Variants in LTBP4 observed in about 807,000 individuals in gnomAD.
LTBP4 encodes latent transforming growth factor beta binding protein 4.
LTBP4 carries 93 observed loss-of-function variants against 180.2 expected under a neutral mutation model. The observed-to-expected ratio is 0.52, with a 90% CI of 0.44 to 0.61. The LOEUF is 0.61. Ranked by LOEUF, LTBP4 falls within the 20% of genes least tolerant of loss-of-function variation. The pLI, the probability that LTBP4 is intolerant of heterozygous loss-of-function variation, is 0.00. For synonymous variants in LTBP4, 947 were observed against 934.5 expected, an observed-to-expected ratio of 1.01 and a Z score of -0.24; for missense variants, 2,116 against 2,256.5, an observed-to-expected ratio of 0.94 and a Z score of 1.26.
At chr19:40,604,021 A>G (rs183265736) in intron 1 of LTBP4, among the ~76,000 whole-genome samples, 123 of 152,328 alleles carry the variant, frequency 8.1e-4, no homozygotes, top group Non-Finnish European at 1.7e-3. Context: ...GTGCTACTGG[A>G]GGCTGTAAGG....
chr19:40,623,181 T>C (rs1307429365), intron 24 of LTBP4, among the ~76,000 whole-genome samples, 160 bp downstream of exon 24: 2 of 151,050 alleles, frequency 1.3e-5, no homozygotes, highest in Admixed American at 1.3e-4. Context: ...TTTCTTTTTT[T>C]TTTTTTTCTT....
At chr19:40,610,126 A>C (rs1353163368) in intron 11 of LTBP4, 7 of 466,802 alleles carry the variant, frequency 1.5e-5, no homozygotes, top group Admixed American at 8.5e-5. Flanking sequence ...CTCCGCCCCC[A>C]CGCCCAGGCC....
chr19:40,596,292 G>A (rs1331104135), intron 1 of LTBP4, among the ~76,000 whole-genome samples: 1 of 151,940 alleles, frequency 6.6e-6, no homozygotes, highest in African/African-American at 2.4e-5. Flanking sequence ...CAAACTCCTG[G>A]ACTCAAGCGA....
Position 40,605,310 on chromosome 19 carries a change from G to A in LTBP4, c.442+84G>A, listed in dbSNP as rs1252107439. ...TGACCCTCATATTTCCCGCCTTCCC[G>A]AGCACCTTTGCCCAGCTCGCCCTCC... On this transcript the variant is annotated intron_variant, in intron 2 of 29. Transcript: ENST00000396819. The surrounding 1 kb of genome is among the most constrained non-coding windows in gnomAD (Gnocchi z 5.5). 5 of 1,568,654 alleles carry A rather than the reference G, an allele frequency of 3.2e-6. No homozygotes were observed. The Admixed American group carries it at 9.3e-5, about 29-fold the overall frequency.
chr19:40,604,715 C>T (rs2081446476), intron 1 of LTBP4, among the ~76,000 whole-genome samples: 1 of 152,154 alleles, frequency 6.6e-6, no homozygotes, highest in Non-Finnish European at 1.5e-5. Context: ...ATGTGGTGCA[C>T]GCCTGTCGTC....
At position 40,613,302 on chromosome 19, in the gene LTBP4, T is replaced by C. The variant is rs908733141; in HGVS notation, c.2432-102T>C. On this transcript the variant is annotated intron_variant, in intron 16 of 29. Transcript: ENST00000396819. The surrounding 1 kb of genome is among the most constrained non-coding windows in gnomAD (Gnocchi z 5.0). ...GGGACCAAGGCGCTGTGGGAGGAGC[T>C]TAGAAACCTGGCATTGGTGGGGGCG... 11 of 1,547,156 alleles carry C rather than the reference T, an allele frequency of 7.1e-6. No individual in the cohort carries two copies. The African/African-American group carries it at 1.4e-4, about 19-fold the overall frequency.
intron 24 of LTBP4, 113 bp downstream of exon 24, chr19:40,623,134 C>A (rs1310578595): frequency 1.5e-6 from 1 of 678,370 alleles, no homozygotes; most frequent in Non-Finnish European, 2.4e-6. Flanking sequence ...ATCTGTCTCC[C>A]CGACCCCACC....
chr19:40,613,877 C>A lies in LTBP4; in HGVS notation c.2558-39C>A, dbSNP rs559411558. 1.8e-5 allele frequency: 29 copies of A among 1,612,218 alleles called. No homozygotes were observed. In the South Asian group the frequency reaches 2.2e-4, roughly 12 times the overall value. ...GTGTGGCCTAGAATGTTAGGCGGAG[C>A]GGGAGGTGGGCCGGGCCTTCGGACG... On this transcript the variant is annotated intron_variant, in intron 17 of 29. Coordinates refer to ENST00000396819, the MANE Select transcript of LTBP4 (RefSeq NM_001042545.2). This position sits in a 1 kb window ranked among gnomAD's most constrained non-coding sequence, Gnocchi z 5.0.
In LTBP4 at chr19:40,612,132, G is replaced by A. The variant is rs371314855; in HGVS notation, c.2239G>A (p.Gly747Ser). The stretch of plus-strand genomic sequence containing the variant: ...TGGGCAGGAGTGTGTGAACTCGCCC[G>A]GCTCCTTCCAGTGCAGGACCTGTCC... ...CPGQECVNSP[G>S]SFQCRTCPSG... Residue 747 changes from glycine (G) to serine (S), a missense_variant, in exon 15 of 30, where the codon GGC becomes AGC. Gly to Ser is a moderately conservative substitution (Grantham distance 56). This residue lies in a region of LTBP4 where 877 missense variants were observed against 873.6 expected (regional missense o/e 1.00). Coordinates refer to ENST00000396819, the MANE Select transcript of LTBP4 (RefSeq NM_001042545.2). 181 of 1,613,252 alleles carry A rather than the reference G, an allele frequency of 1.1e-4. No homozygotes were observed. Among genetic ancestry groups the A allele is most frequent in the Admixed American group, 2.5e-4 (15 of 59,940 alleles).
chr19:40,627,025 C>T lies in LTBP4; in HGVS notation c.4036C>T (p.Pro1346Ser), dbSNP rs1387145033. The change falls in exon 28 of 30, where the codon CCG becomes TCG. Residue 1346 changes from proline (P) to serine (S), a missense_variant. By Grantham distance (74) the Pro-to-Ser change is moderately conservative (BLOSUM62 -1). This residue lies in a region of LTBP4 where 488 missense variants were observed against 458.8 expected (regional missense o/e 1.06). Coordinates refer to ENST00000396819, the MANE Select transcript of LTBP4 (RefSeq NM_001042545.2). ...NVLRPPAYSPPRPGGFGLPYE... is the reference protein window; with the variant it reads ...NVLRPPAYSPSRPGGFGLPYE... The stretch of plus-strand genomic sequence containing the variant: ...GCTACGCCCCCCCGCATATAGCCCC[C>T]CGCGACCAGGTGGCTTTGGACTCCC... The T allele has an allele frequency of 1.2e-6, 2 of 1,603,536 alleles. No individual in the cohort carries two copies. The highest frequency in any genetic ancestry group is 1.1e-5 in the South Asian group (1 of 90,260).
At chr19:40,618,047 G>A (rs1288148564) in intron 21 of LTBP4, among the ~76,000 whole-genome samples, 1 of 151,758 alleles carries the variant, frequency 6.6e-6, no homozygotes, top group African/African-American at 2.4e-5. Context: ...GTTTACCAAT[G>A]TATTCTTCTC....
At chr19:40,625,289 TATATATATATATATATATATATATATA>T (rs1568414469) in intron 26 of LTBP4, among the ~76,000 whole-genome samples, 149 of 10,450 alleles carry the variant, frequency 0.014, 26 homozygotes, top group East Asian at 0.024. Context: ...TATATATATA[TATATATATATATATATATATATATATA>T]TTTTTTTTTT....
chr19:40,627,420 AG>A (rs2081643861), intron 28 of LTBP4, 65 bp downstream of exon 28: 1 of 1,442,250 alleles, frequency 6.9e-7, no homozygotes, highest in African/African-American at 1.4e-5. Flanking sequence ...GAGAGGAGGG[AG>A]GGAAACAGAA....
At position 40,622,774 on chromosome 19, in the gene LTBP4, A is replaced by G; in HGVS notation, c.3484+107A>G. On this transcript the variant is annotated intron_variant, in intron 23 of 29. Transcript: ENST00000396819. This position sits in a 1 kb window ranked among gnomAD's most constrained non-coding sequence, Gnocchi z 5.1. ...CTTTTGGACAGGGCCTTGAGGTACT[A>G]GTACTGTCAGGGCAAGGGCGAGCTG... 1.0e-5 allele frequency: 15 copies of G among 1,451,672 alleles called. No homozygotes were observed. Among genetic ancestry groups the G allele is most frequent in the Non-Finnish European group, 1.3e-5 (14 of 1,085,860 alleles). 89.9% of individuals were successfully genotyped at this position (1,451,672 alleles called of 1,614,324 possible).
Position 40,609,441 on chromosome 19 carries a change from A to G in LTBP4, c.1427-89A>G. On this transcript the variant is annotated intron_variant, in intron 9 of 29. Transcript: ENST00000396819. The surrounding 1 kb of genome is among the most constrained non-coding windows in gnomAD (Gnocchi z 4.9). ...GAGGAGACATCCATGAAGGTGTTTTATGGATGTCTCCGGGGGTGGGGGTTT... is the reference window on the plus strand; with the variant it reads ...GAGGAGACATCCATGAAGGTGTTTTGTGGATGTCTCCGGGGGTGGGGGTTT... 1.3e-6 allele frequency: 2 copies of G among 1,532,710 alleles called. No individual in the cohort carries two copies. Among genetic ancestry groups the G allele is most frequent in the Admixed American group, 3.7e-5 (2 of 53,692 alleles). 94.9% of individuals were successfully genotyped at this position (1,532,710 alleles called of 1,614,324 possible).
At chr19:40,599,307 G>A (rs954539682), upstream of LTBP4, 1 of 1,612,618 alleles carries the variant, frequency 6.2e-7, no homozygotes, top group Non-Finnish European at 8.5e-7. Context: ...AATAGGAGGA[G>A]AGGGGCAGGG....
At position 40,605,911 on chromosome 19, in the gene LTBP4, T is replaced by C. The variant is rs1047067871; in HGVS notation, c.793+80T>C. 3.5e-6 allele frequency: 5 copies of C among 1,425,094 alleles called. No homozygotes were observed. In the African/African-American group the frequency reaches 7.1e-5, roughly 20 times the overall value. The allele number at this position is 1,425,094 out of a possible 1,614,324, so 88.3% of individuals were successfully genotyped here. On this transcript the variant is annotated intron_variant, in intron 4 of 29. Coordinates refer to ENST00000396819, the MANE Select transcript of LTBP4 (RefSeq NM_001042545.2). The surrounding 1 kb of genome is among the most constrained non-coding windows in gnomAD (Gnocchi z 5.5). ...ACCGTTCCTCCTACTCTGCCCTAGA[T>C]AAACCCAGTTCACAAATTGTAGCCA...
Position 40,613,065 on chromosome 19 carries a change from A to C in LTBP4, c.2300A>C (p.Asp767Ala). 1 of 1,611,726 alleles carries C rather than the reference A, an allele frequency of 6.2e-7. No homozygotes were observed. The highest frequency in any genetic ancestry group is 8.5e-7 in the Non-Finnish European group (1 of 1,178,968). Residue 767 changes from aspartate to alanine, a missense_variant and splice_region_variant, in exon 16 of 30, where the codon GAT becomes GCT. Physicochemically the swap from Asp to Ala is moderately radical, Grantham distance 126. This residue lies in a region of LTBP4 where 877 missense variants were observed against 873.6 expected (regional missense o/e 1.00). Transcript: ENST00000396819. This position sits in a 1 kb window ranked among gnomAD's most constrained non-coding sequence, Gnocchi z 5.0. ...GHHLHRGRCT[D>A]VDECSSGAPP... The stretch of plus-strand genomic sequence containing the variant: ...TTCTGAACACCCCCACCCCCCACAG[A>C]TGTGGACGAATGCAGTTCGGGTGCC...
intron 26 of LTBP4, 22 bp downstream of exon 26, chr19:40,624,104 A>C (rs1365916658): frequency 4.0e-6 from 6 of 1,512,574 alleles, no homozygotes; most frequent in Non-Finnish European, 4.4e-6. Context: ...CACGCCATCC[A>C]GGCCCTCCTT....
Sources: allele counts gnomAD v4.1 joint callset (sites outside exome capture counted in the v4.1 genomes callset), GRCh38; gene constraint gnomAD v4.1.1; regional missense constraint gnomAD v4.1.1; non-coding constraint Gnocchi (gnomAD v3.1); transcripts MANE v1.5; gene names NCBI Gene and HGNC (gene_info 2026-07-23, HGNC 2026-07-21).